Variants in PDE2A observed in about 807,000 individuals in gnomAD.
The protein encoded by PDE2A is phosphodiesterase 2A.
In PDE2A, 53 loss-of-function variants were observed where a neutral mutation model predicts 133.6. The observed-to-expected ratio is 0.40, with a 90% confidence interval of 0.32 to 0.50. PDE2A has a LOEUF of 0.50. PDE2A is among the 20% of genes least tolerant of loss of function. The pLI is 0.73. For synonymous variants in PDE2A, 491 were observed against 490.2 expected, an observed-to-expected ratio of 1.00 and a Z score of -0.02; for missense variants, 796 against 1,232.4, an observed-to-expected ratio of 0.65 and a Z score of 5.30.
chr11:72,579,031 C>A, intron 27 of PDE2A, 22 bp from the exon 28 acceptor site: 1 of 1,534,040 alleles, frequency 6.5e-7, no homozygotes, highest in South Asian at 1.1e-5. Flanking sequence ...AGGATGGGGT[C>A]AAGGAGCGGG....
Position 72,590,789 on chromosome 11 carries a change from A to C in PDE2A, c.550-209T>G. 2.2e-6 allele frequency: 1 copy of C among 446,224 alleles called. No homozygotes were observed. Among genetic ancestry groups the C allele is most frequent in the Non-Finnish European group, 3.9e-6 (1 of 256,312 alleles). The allele number at this position is 446,224 out of a possible 1,614,324, so 27.6% of individuals were successfully genotyped here. On this transcript the variant is annotated intron_variant, in intron 7 of 30. Coordinates refer to ENST00000334456, the MANE Select transcript of PDE2A (RefSeq NM_002599.5). The surrounding 1 kb of genome is among the most constrained non-coding windows in gnomAD (Gnocchi z 4.8). Reference sequence around the variant, plus strand: ...CCCTGGAGCGTCCGGCGGTCCAGGAACAGGAGGGTACAGGGTCTATCTCCA... The same window carrying C: ...CCCTGGAGCGTCCGGCGGTCCAGGACCAGGAGGGTACAGGGTCTATCTCCA...
In PDE2A at chr11:72,578,610, G is replaced by A. The variant is rs1855570165; in HGVS notation, c.2470-96C>T. On this transcript the variant is annotated intron_variant, in intron 28 of 30. Coordinates refer to ENST00000334456, the MANE Select transcript of PDE2A (RefSeq NM_002599.5). The surrounding 1 kb of genome is among the most constrained non-coding windows in gnomAD (Gnocchi z 4.2). ...TCCCAGGAGAGAAAACTGAGGCCCA[G>A]GGATTCAGTCCCAGCTCAGGAGCCG... 2 of 1,096,388 alleles carry A rather than the reference G, an allele frequency of 1.8e-6. No homozygotes were observed. The highest frequency in any genetic ancestry group is 3.1e-5 in the African/African-American group (2 of 65,066). The allele number at this position is 1,096,388 out of a possible 1,614,324, so 67.9% of individuals were successfully genotyped here.
chr11:72,584,474 G>A, intron 18 of PDE2A, 77 bp downstream of exon 18: 1 of 1,476,892 alleles, frequency 6.8e-7, no homozygotes, highest in Non-Finnish European at 9.3e-7. Context: ...CGGTGGGGAA[G>A]TGTTGCCACC....
In PDE2A at chr11:72,584,715, C is replaced by A; in HGVS notation, c.1373G>T (p.Arg458Leu). 1 of 1,613,168 alleles carries A rather than the reference C, an allele frequency of 6.2e-7. No homozygotes were observed. Among genetic ancestry groups the A allele is most frequent in the Non-Finnish European group, 8.5e-7 (1 of 1,179,946 alleles). ...GVVDDESYEI[R>L]IPADQGIAGH... ...CGCGATGCCCTGATCGGCCGGGATG[C>A]GGATCTCATAGCTCTGCCGGAGCAG... The change falls in exon 18 of 31, where the codon CGC becomes CTC. Residue 458 changes from arginine (R) to leucine (L), a missense_variant. Arg to Leu is a moderately radical substitution (Grantham distance 102). Transcript: ENST00000334456.
intron 2 of PDE2A, among the ~76,000 whole-genome samples, chr11:72,640,733 G>T (rs1052049449): frequency 6.6e-6 from 1 of 152,082 alleles, no homozygotes; most frequent in Non-Finnish European, 1.5e-5. Flanking sequence ...ACACACAACA[G>T]CCAGTAACAC....
At chr11:72,631,217 C>T in intron 2 of PDE2A, 1 of 1,175,550 alleles carries the variant, frequency 8.5e-7, no homozygotes, top group Non-Finnish European at 1.2e-6. Flanking sequence ...CCCATTAGCC[C>T]CCAGCAAGCC....
intron 2 of PDE2A, chr11:72,635,902 C>T (rs1399940978): frequency 8.9e-6 from 9 of 1,014,452 alleles, no homozygotes; most frequent in Non-Finnish European, 1.1e-5. Flanking sequence ...TTTGCTCTCA[C>T]TCCCGGCCCT....
chr11:72,613,514 G>A (rs1393578736), intron 2 of PDE2A, among the ~76,000 whole-genome samples: 5 of 151,670 alleles, frequency 3.3e-5, no homozygotes, highest in South Asian at 2.1e-4. Flanking sequence ...TGCCTCCCCC[G>A]GCCGACGTCC....
At chr11:72,640,418 C>T (rs1858903861) in intron 2 of PDE2A, among the ~76,000 whole-genome samples, 1 of 150,476 alleles carries the variant, frequency 6.6e-6, no homozygotes, top group East Asian at 1.9e-4. Flanking sequence ...CACGCACACA[C>T]ACACACTCAC....
At chr11:72,589,525 G>A (rs1239054368) in intron 11 of PDE2A, among the ~76,000 whole-genome samples, 1 of 152,200 alleles carries the variant, frequency 6.6e-6, no homozygotes, top group Non-Finnish European at 1.5e-5. Context: ...GAAGTGAACA[G>A]GTCCCAGGTA....
chr11:72,671,459 G>A (rs1037394693), intron 1 of PDE2A, among the ~76,000 whole-genome samples: 1 of 152,116 alleles, frequency 6.6e-6, no homozygotes, highest in South Asian at 2.1e-4. Context: ...TAAGACCAAG[G>A]GGTAAAGGAC....
intron 1 of PDE2A, among the ~76,000 whole-genome samples, chr11:72,655,554 T>C (rs1431930830): frequency 6.6e-6 from 1 of 151,508 alleles, no homozygotes; most frequent in Non-Finnish European, 1.5e-5. Context: ...GGTGAGTCAG[T>C]AGAGCAGGAG....
In PDE2A at chr11:72,588,772, A is replaced by G; in HGVS notation, c.1070+12T>C. On this transcript the variant is annotated intron_variant, in intron 13 of 30. Transcript: ENST00000334456. ...GACATCTCCTGATCTGCATCATCCC[A>G]CAAAGACTCACAAGTCTCCTTCTAG... 1 of 1,586,222 alleles carries G rather than the reference A, an allele frequency of 6.3e-7. No individual in the cohort carries two copies. Among genetic ancestry groups the G allele is most frequent in the Non-Finnish European group, 8.6e-7 (1 of 1,161,996 alleles).
intron 2 of PDE2A, among the ~76,000 whole-genome samples, chr11:72,628,725 G>A (rs1287529660): frequency 6.6e-6 from 1 of 152,260 alleles, no homozygotes; most frequent in Non-Finnish European, 1.5e-5. Flanking sequence ...AAGCAAGGGA[G>A]TTGGGACTTG....
intron 1 of PDE2A, among the ~76,000 whole-genome samples, chr11:72,650,948 CT>C (rs1854724487): frequency 1.3e-5 from 2 of 150,856 alleles, no homozygotes; most frequent in Admixed American, 1.3e-4. Flanking sequence ...CTACTAAGAG[CT>C]GAGCCCATCA....
chr11:72,615,136 C>T (rs1857402250), intron 2 of PDE2A: 2 of 495,598 alleles, frequency 4.0e-6, no homozygotes, highest in Non-Finnish European at 4.4e-6. Flanking sequence ...TACACCTGAG[C>T]CAGTCCCAGT....
chr11:72,577,299 C>T lies in PDE2A; in HGVS notation c.*85G>A. ...GAAGTCCTGGTCTAGGACCCAGGACCCGTGGCTCTGTTCCCAGTGCATCTG... is the reference window on the plus strand; with the variant it reads ...GAAGTCCTGGTCTAGGACCCAGGACTCGTGGCTCTGTTCCCAGTGCATCTG... On this transcript the variant is annotated 3_prime_UTR_variant, in exon 31 of 31. Coordinates refer to ENST00000334456, the MANE Select transcript of PDE2A (RefSeq NM_002599.5). The T allele has an allele frequency of 2.0e-6, 2 of 1,012,004 alleles. No individual in the cohort carries two copies. The highest frequency in any genetic ancestry group is 3.0e-6 in the Non-Finnish European group (2 of 669,474). 62.7% of individuals were successfully genotyped at this position (1,012,004 alleles called of 1,614,324 possible). A position where few individuals can be genotyped will look rare whatever the true frequency, so the allele number is the denominator to read the frequency against.
intron 1 of PDE2A, among the ~76,000 whole-genome samples, chr11:72,642,786 C>A (rs1453779560): frequency 6.6e-6 from 1 of 151,930 alleles, no homozygotes; most frequent in African/African-American, 2.4e-5. Context: ...CGGCCAGAGC[C>A]CCAGGCAGAG....
At chr11:72,664,364 A>ATTTTTTT (rs34217943) in intron 1 of PDE2A, among the ~76,000 whole-genome samples, 3,237 of 70,068 alleles carry the variant, frequency 0.046, 510 homozygotes, top group African/African-American at 0.076. Context: ...CCCTTGAAGG[A>ATTTTTTT]TTTTTTTTTT....
Sources: gnomAD v4.1 joint callset for allele counts (sites outside exome capture counted in the v4.1 genomes callset) on GRCh38, gnomAD v4.1.1 for gene constraint, Gnocchi (gnomAD v3.1) non-coding constraint, MANE v1.5 for transcripts, NCBI Gene and HGNC (gene_info 2026-07-23, HGNC 2026-07-21) for gene names.